CLASP2: variants seen among roughly 807,000 people sequenced by gnomAD.
CLASP2 encodes the protein cytoplasmic linker associated protein 2, also known as CLIP-associating protein 2.
A neutral mutation model predicts 194.4 loss-of-function variants in CLASP2; 47 were observed. The ratio of observed to expected loss-of-function variants is 0.24; its 90% CI spans 0.19 to 0.31. The LOEUF is 0.31. CLASP2 is among the 10% of genes least tolerant of loss of function. The probability of loss-of-function intolerance (pLI) is 1.00; values close to 1 mark genes in which losing one functional copy is unlikely to be tolerated. For missense variants in CLASP2, 1,445 were observed against 1,823.6 expected (o/e 0.79, Z 3.78); for synonymous variants, 619 against 633.5 (o/e 0.98, Z 0.34).
intron 8 of CLASP2, among the ~76,000 whole-genome samples, chr3:33,637,723 C>G (rs747645878): frequency 2.0e-5 from 3 of 152,048 alleles, no homozygotes; most frequent in African/African-American, 4.8e-5. Flanking sequence ...TGCAAATTAA[C>G]GAATCATCGT....
chr3:33,581,673 A>C, intron 23 of CLASP2, 148 bp downstream of exon 23: 1 of 594,130 alleles, frequency 1.7e-6, no homozygotes, highest in East Asian at 2.8e-5. Flanking sequence ...TTTCCCAAAC[A>C]TGTAATTTCC....
intron 10 of CLASP2, 104 bp downstream of exon 10, chr3:33,626,883 TA>T: frequency 1.6e-6 from 1 of 632,970 alleles, no homozygotes; most frequent in Non-Finnish European, 2.7e-6. Context: ...TCAGACTCTC[TA>T]TTTTATAAGT....
chr3:33,701,018 A>G (rs1437363192), intron 1 of CLASP2, among the ~76,000 whole-genome samples: 1 of 152,258 alleles, frequency 6.6e-6, no homozygotes, highest in Non-Finnish European at 1.5e-5. Context: ...AATGCTAATG[A>G]AAGTGATAGA....
chr3:33,539,180 T>C (rs527775820), intron 32 of CLASP2, among the ~76,000 whole-genome samples: 2 of 152,296 alleles, frequency 1.3e-5, no homozygotes, highest in South Asian at 4.2e-4. Flanking sequence ...CTAGTTTGTC[T>C]TTCCACCTTG....
At chr3:33,505,062 T>G (rs902991338) in intron 37 of CLASP2, 2 of 152,566 alleles carry the variant, frequency 1.3e-5, no homozygotes, top group African/African-American at 4.8e-5. Context: ...TTCCCAGGCT[T>G]TTGTTTGCTG....
intron 37 of CLASP2, among the ~76,000 whole-genome samples, chr3:33,506,457 T>C (rs1169362477): frequency 6.6e-6 from 1 of 151,776 alleles, no homozygotes; most frequent in East Asian, 1.9e-4. Flanking sequence ...TGTAGTATTA[T>C]TCTAAAGTAC....
chr3:33,607,268 T>G (rs1178770143), intron 15 of CLASP2, 116 bp downstream of exon 15: 3 of 650,620 alleles, frequency 4.6e-6, no homozygotes, highest in Non-Finnish European at 7.4e-6. Context: ...CAATCTTAAT[T>G]TTACTGGAGG....
intron 18 of CLASP2, chr3:33,602,671 C>G (rs2072601029): frequency 2.8e-6 from 2 of 705,514 alleles, no homozygotes; most frequent in Non-Finnish European, 5.2e-6. Flanking sequence ...CCCTTAGAAA[C>G]CAGTGGCTAG....
At chr3:33,572,755 T>TA (rs1272231730) in intron 25 of CLASP2, among the ~76,000 whole-genome samples, 6 of 152,130 alleles carry the variant, frequency 3.9e-5, no homozygotes, top group Non-Finnish European at 8.8e-5. Flanking sequence ...TTCTTCTCAT[T>TA]GAAAAACTTA....
intron 6 of CLASP2, among the ~76,000 whole-genome samples, chr3:33,673,389 T>C (rs1197593827): frequency 8.5e-5 from 13 of 152,214 alleles, no homozygotes; most frequent in African/African-American, 2.9e-4. Context: ...GACAAGCAAA[T>C]GCTGAGAGAT....
intron 6 of CLASP2, among the ~76,000 whole-genome samples, chr3:33,677,867 T>C (rs1482649308): frequency 2.2e-5 from 3 of 135,518 alleles, no homozygotes; most frequent in African/African-American, 8.3e-5. Context: ...GCAGATAGCA[T>C]GCCAAAAAGG....
At chr3:33,653,121 G>A (rs542999441) in intron 7 of CLASP2, among the ~76,000 whole-genome samples, 2 of 152,250 alleles carry the variant, frequency 1.3e-5, no homozygotes, top group East Asian at 3.9e-4. Context: ...ACTGTATAAA[G>A]GACAGATCAG....
At chr3:33,622,810 AT>A (rs35363056) in intron 10 of CLASP2, among the ~76,000 whole-genome samples, 5,442 of 142,138 alleles carry the variant, frequency 0.038, 223 homozygotes, top group African/African-American at 0.11. Flanking sequence ...GCTGTAGAAC[AT>A]TTTTTTTTTT....
chr3:33,503,296 G>A (rs2047252943), intron 37 of CLASP2: 1 of 151,892 alleles, frequency 6.6e-6, no homozygotes. Flanking sequence ...TCACCTTTTG[G>A]CTACTGTGAA....
chr3:33,568,810 G>T (rs2063254193), intron 26 of CLASP2, among the ~76,000 whole-genome samples: 1 of 152,030 alleles, frequency 6.6e-6, no homozygotes, highest in South Asian at 2.1e-4. Context: ...ATCAAAAAAA[G>T]TTGCTTGATT....
At chr3:33,647,928 G>C (rs1030989679) in intron 7 of CLASP2, among the ~76,000 whole-genome samples, 1 of 152,080 alleles carries the variant, frequency 6.6e-6, no homozygotes, top group Non-Finnish European at 1.5e-5. Context: ...AGCTACTCAG[G>C]AGGCTGAGGC....
chr3:33,626,531 T>C lies in CLASP2; in HGVS notation c.1035+457A>G, dbSNP rs76992341. 4.2e-4 allele frequency among the ~76,000 whole-genome samples: 64 copies of C among 152,222 alleles called. 2 individuals carry two copies. In the East Asian group the frequency reaches 0.012, roughly 28 times the overall value. On this transcript the variant is annotated intron_variant, in intron 10 of 38. Coordinates refer to ENST00000682230, the MANE Select transcript of CLASP2 (RefSeq NM_001365631.1). ...AATGAAATCACAGGAGAAATATTCATCACATTCACATGAGAAGAAAAAAAC... is the reference window on the plus strand; with the variant it reads ...AATGAAATCACAGGAGAAATATTCACCACATTCACATGAGAAGAAAAAAAC...
At chr3:33,651,280 G>C (rs1311483225) in intron 7 of CLASP2, among the ~76,000 whole-genome samples, 1 of 151,626 alleles carries the variant, frequency 6.6e-6, no homozygotes, top group African/African-American at 2.4e-5. Flanking sequence ...CTACTTGAGA[G>C]GCTGAGGCAG....
intron 1 of CLASP2, among the ~76,000 whole-genome samples, chr3:33,705,264 TATC>T (rs1207274347): frequency 6.6e-6 from 1 of 152,160 alleles, no homozygotes; most frequent in Non-Finnish European, 1.5e-5. Context: ...ACCTTGAAAA[TATC>T]ATAGTTCAAT....
Sources: allele counts gnomAD v4.1 joint callset (sites outside exome capture counted in the v4.1 genomes callset), GRCh38; gene constraint gnomAD v4.1.1; transcripts MANE v1.5; gene names NCBI Gene and HGNC (gene_info 2026-07-23, HGNC 2026-07-21).